The following ADCY2 variants were observed in gnomAD, a reference collection of about 807,000 sequenced individuals.
ADCY2 encodes adenylate cyclase type 2.
ADCY2 carries 31 observed loss-of-function variants against 125.2 expected under a neutral mutation model. The ratio of observed to expected loss-of-function variants is 0.25; its 90% CI spans 0.19 to 0.33. The LOEUF (loss-of-function observed/expected upper bound fraction) is 0.33, where lower values mean the gene tolerates loss of function less well. Ranked by LOEUF, ADCY2 falls within the 10% of genes least tolerant of loss-of-function variation. The pLI is 1.00. For missense variants in ADCY2, 904 were observed against 1,418.2 expected, an observed-to-expected ratio of 0.64 and a Z score of 5.82; for synonymous variants, 512 against 548.4, an observed-to-expected ratio of 0.93 and a Z score of 0.93.
chr5:7,482,114 A>G (rs1316394091), intron 2 of ADCY2, among the ~76,000 whole-genome samples: 2 of 152,124 alleles, frequency 1.3e-5, no homozygotes, highest in Non-Finnish European at 2.9e-5. Flanking sequence ...TAAATTTTCA[A>G]AAAGTATTGA....
At chr5:7,515,043 G>A (rs533729010) in intron 2 of ADCY2, among the ~76,000 whole-genome samples, 10 of 152,318 alleles carry the variant, frequency 6.6e-5, no homozygotes, top group Middle Eastern at 3.4e-3. Flanking sequence ...GGAGCAGCTC[G>A]TCTTCCAAGT....
intron 3 of ADCY2, among the ~76,000 whole-genome samples, chr5:7,531,602 T>G (rs1368906442): frequency 1.3e-5 from 2 of 152,302 alleles, no homozygotes; most frequent in Non-Finnish European, 2.9e-5. Context: ...CTCTCCTAGC[T>G]TCTGGTGGCA....
intron 4 of ADCY2, among the ~76,000 whole-genome samples, chr5:7,626,793 G>A (rs1738144717): frequency 6.6e-6 from 1 of 152,002 alleles, no homozygotes. Flanking sequence ...CCACCCCCAA[G>A]ACACAAACAC....
At chr5:7,741,090 G>A (rs538088461) in intron 14 of ADCY2, among the ~76,000 whole-genome samples, 1 of 151,892 alleles carries the variant, frequency 6.6e-6, no homozygotes, top group East Asian at 1.9e-4. Flanking sequence ...AATATGGAGA[G>A]TTTTTAAATT....
intron 3 of ADCY2, among the ~76,000 whole-genome samples, chr5:7,554,389 G>C (rs997344041): frequency 2.0e-5 from 3 of 152,172 alleles, no homozygotes. Flanking sequence ...CCATAATGGG[G>C]ACAATATGCT....
At chr5:7,616,230 G>T (rs1737757230) in intron 3 of ADCY2, among the ~76,000 whole-genome samples, 1 of 152,150 alleles carries the variant, frequency 6.6e-6, no homozygotes, top group Non-Finnish European at 1.5e-5. Flanking sequence ...AATAATGTCA[G>T]AAGGAGTATA....
intron 14 of ADCY2, among the ~76,000 whole-genome samples, chr5:7,736,327 CTT>C (rs1387196735): frequency 6.6e-6 from 1 of 152,166 alleles, no homozygotes; most frequent in Non-Finnish European, 1.5e-5. Flanking sequence ...AAGTTAATCT[CTT>C]TACTTTTTAT....
chr5:7,751,357 G>A (rs989882809), intron 15 of ADCY2, among the ~76,000 whole-genome samples: 19 of 151,870 alleles, frequency 1.3e-4, no homozygotes, highest in Non-Finnish European at 2.5e-4. Context: ...TTCCTCATAT[G>A]GTCCATTGCC....
chr5:7,506,083 A>G (rs988959609), intron 2 of ADCY2, among the ~76,000 whole-genome samples: 1 of 151,776 alleles, frequency 6.6e-6, no homozygotes, highest in Non-Finnish European at 1.5e-5. Context: ...TGAGGGCGTG[A>G]TCACTTATTT....
chr5:7,448,675 CAT>C (rs1741368772), intron 2 of ADCY2, among the ~76,000 whole-genome samples: 1 of 152,118 alleles, frequency 6.6e-6, no homozygotes, highest in Non-Finnish European at 1.5e-5. Flanking sequence ...TGTTCCCCCA[CAT>C]GTGTCCATGT....
intron 12 of ADCY2, among the ~76,000 whole-genome samples, chr5:7,718,601 A>G (rs917131274): frequency 2.0e-5 from 3 of 152,114 alleles, no homozygotes; most frequent in African/African-American, 7.2e-5. Flanking sequence ...TGGTCAGGGA[A>G]GAGTTGCCAT....
chr5:7,728,933 A>T (rs1430624078), intron 14 of ADCY2, among the ~76,000 whole-genome samples: 1 of 152,118 alleles, frequency 6.6e-6, no homozygotes, highest in African/African-American at 2.4e-5. Context: ...TAAGAAACAC[A>T]TCCTCGTCAT....
chr5:7,507,420 G>T, intron 2 of ADCY2, among the ~76,000 whole-genome samples: 1 of 104,716 alleles, frequency 9.5e-6, no homozygotes, highest in African/African-American at 3.9e-5. Context: ...CAGCCTGGGC[G>T]ACAGAGCGAG....
rs1394758217 is a variant in ADCY2 at position 7,498,349 on chromosome 5, C to T, written c.409-22389C>T. Among the ~76,000 whole-genome samples, 5 of 147,570 alleles carry T rather than the reference C, an allele frequency of 3.4e-5. No homozygotes were observed. In the South Asian group the frequency reaches 8.9e-4, roughly 26 times the overall value. The stretch of plus-strand genomic sequence containing the variant: ...CTGCAAACTCCACCTCCCAGGTTCA[C>T]GCCATTCTCCTGCCTCAGCCTCCCA... On this transcript the variant is annotated intron_variant, in intron 2 of 24. Coordinates refer to ENST00000338316, the MANE Select transcript of ADCY2 (RefSeq NM_020546.3).
intron 2 of ADCY2, among the ~76,000 whole-genome samples, chr5:7,459,106 T>A (rs1296079837): frequency 6.6e-6 from 1 of 152,206 alleles, no homozygotes; most frequent in African/African-American, 2.4e-5. Flanking sequence ...GTGCGGATCT[T>A]CTGACATACT....
At chr5:7,766,835 G>C (rs1743397945) in intron 17 of ADCY2, 29 bp downstream of exon 17, 1 of 1,603,212 alleles carries the variant, frequency 6.2e-7, no homozygotes, top group Non-Finnish European at 8.5e-7. Context: ...TGACTGCTTT[G>C]GTGGCTCTCC....
intron 3 of ADCY2, among the ~76,000 whole-genome samples, chr5:7,563,110 G>A (rs971455644): frequency 3.9e-5 from 6 of 152,150 alleles, no homozygotes; most frequent in Non-Finnish European, 8.8e-5. Context: ...ACTTATGAAA[G>A]AGGTGATCTC....
chr5:7,669,249 A>G (rs1488913880), intron 4 of ADCY2, among the ~76,000 whole-genome samples: 1 of 152,264 alleles, frequency 6.6e-6, no homozygotes, highest in Non-Finnish European at 1.5e-5. Context: ...CCTCTAAACT[A>G]ATAAATACTT....
intron 4 of ADCY2, among the ~76,000 whole-genome samples, chr5:7,668,977 A>G (rs371323259): frequency 6.6e-6 from 1 of 152,344 alleles, no homozygotes; most frequent in Non-Finnish European, 1.5e-5. Flanking sequence ...ACATAATTCT[A>G]TATTGAAATG....
Sources: allele counts gnomAD v4.1 joint callset (sites outside exome capture counted in the v4.1 genomes callset), GRCh38; gene constraint gnomAD v4.1.1; transcripts MANE v1.5; gene names NCBI Gene and HGNC (gene_info 2026-07-23, HGNC 2026-07-21).